The following TAFA1 variants were observed in gnomAD, a reference collection of about 807,000 sequenced individuals.
TAFA1 encodes TAFA chemokine like family member 1.
TAFA1 carries 4 observed loss-of-function variants against 18.5 expected under a neutral mutation model. That is an observed-to-expected ratio of 0.22 (90% CI 0.11 to 0.49). TAFA1 has a LOEUF of 0.49. TAFA1 is among the 20% of genes least tolerant of loss of function. The pLI, the probability that TAFA1 is intolerant of heterozygous loss-of-function variation, is 0.98. For synonymous variants in TAFA1, 56 were observed against 55.2 expected (o/e 1.01, Z -0.06); for missense variants, 147 against 169.0 (o/e 0.87, Z 0.72).
chr3:68,036,436 CA>C (rs10566431), intron 2 of TAFA1, among the ~76,000 whole-genome samples: 5,289 of 98,532 alleles, frequency 0.054, 86 homozygotes, highest in African/African-American at 0.083. Context: ...GAGACTCTGT[CA>C]AAAAAAAAAA....
chr3:68,150,909 A>G (rs1286709006), intron 2 of TAFA1, among the ~76,000 whole-genome samples: 1 of 152,158 alleles, frequency 6.6e-6, no homozygotes, highest in Non-Finnish European at 1.5e-5. Context: ...CTTTATTAAG[A>G]GTGTTGCACA....
chr3:68,407,672 T>C (rs776596923), intron 2 of TAFA1, among the ~76,000 whole-genome samples: 21 of 152,124 alleles, frequency 1.4e-4, no homozygotes, highest in Non-Finnish European at 2.9e-4. Context: ...TCTTGAAATA[T>C]AGAATGGAAA....
chr3:68,510,622 T>C (rs535568840), intron 3 of TAFA1, among the ~76,000 whole-genome samples: 1 of 152,108 alleles, frequency 6.6e-6, no homozygotes, highest in Non-Finnish European at 1.5e-5. Context: ...ATAGGTTATA[T>C]TGCATCTAAA....
intron 2 of TAFA1, among the ~76,000 whole-genome samples, chr3:68,016,788 C>T (rs1559703221): frequency 6.6e-6 from 1 of 152,156 alleles, no homozygotes; most frequent in Non-Finnish European, 1.5e-5. Context: ...CTGCAAACCT[C>T]TGCAACATAT....
At chr3:68,101,222 C>A (rs751367228) in intron 2 of TAFA1, among the ~76,000 whole-genome samples, 6 of 151,938 alleles carry the variant, frequency 3.9e-5, no homozygotes, top group Non-Finnish European at 7.4e-5. Flanking sequence ...AGGTCAGGCC[C>A]TCAAGGTAGG....
chr3:68,330,336 G>T (rs2068845536), intron 2 of TAFA1, among the ~76,000 whole-genome samples: 1 of 152,234 alleles, frequency 6.6e-6, no homozygotes, highest in Admixed American at 6.5e-5. Context: ...TGATCCAGGT[G>T]CTTATTACTG....
intron 2 of TAFA1, among the ~76,000 whole-genome samples, chr3:68,237,653 C>T (rs1318406038): frequency 2.6e-5 from 4 of 152,104 alleles, no homozygotes; most frequent in Non-Finnish European, 5.9e-5. Flanking sequence ...AATTTTTTTA[C>T]CTATACACTT....
chr3:68,322,537 A>G (rs2068711580), intron 2 of TAFA1, among the ~76,000 whole-genome samples: 1 of 152,176 alleles, frequency 6.6e-6, no homozygotes, highest in Non-Finnish European at 1.5e-5. Flanking sequence ...ACGTGTTAAA[A>G]GTCTTTCTCT....
At position 68,161,715 on chromosome 3, in the gene TAFA1, C is replaced by A. The variant is rs78594258; in HGVS notation, c.118+154971C>A. Among the ~76,000 whole-genome samples, 212 of 152,294 alleles carry A rather than the reference C, an allele frequency of 1.4e-3. 1 individual carries two copies. The highest frequency in any genetic ancestry group is 3.4e-3 in the Middle Eastern group (1 of 294). On this transcript the variant is annotated intron_variant, in intron 2 of 4. Coordinates refer to ENST00000478136, the MANE Select transcript of TAFA1 (RefSeq NM_213609.4). ...GATAGCAAAGCTAAGATTTCAGACT[C>A]AAACCCCATTTTGTTATTATTTTGA...
At chr3:68,191,082 A>G (rs1046004156) in intron 2 of TAFA1, among the ~76,000 whole-genome samples, 1 of 151,846 alleles carries the variant, frequency 6.6e-6, no homozygotes, top group South Asian at 2.1e-4. Flanking sequence ...TAAACCCTAC[A>G]TGAAATCCCC....
At chr3:68,064,520 A>T (rs768476544) in intron 2 of TAFA1, among the ~76,000 whole-genome samples, 22 of 152,194 alleles carry the variant, frequency 1.4e-4, no homozygotes, top group South Asian at 2.1e-4. Context: ...ACTGCTGCTA[A>T]ATGAGACGCG....
At chr3:68,014,198 C>T (rs1319607654) in intron 2 of TAFA1, among the ~76,000 whole-genome samples, 1 of 152,128 alleles carries the variant, frequency 6.6e-6, no homozygotes, top group Non-Finnish European at 1.5e-5. Flanking sequence ...ATGTCAGCTC[C>T]TAGATTTAGA....
rs1175242706 is a variant in TAFA1, at chr3:68,431,442, T to A, written c.259+14022T>A. 3.9e-5 allele frequency among the ~76,000 whole-genome samples: 6 copies of A among 152,020 alleles called. No homozygotes were observed. The East Asian group carries it at 1.2e-3, about 29-fold the overall frequency. ...CCTACTGAAAATGTTACCAACATTA[T>A]GATACCTAATCTTCATAACAATGCA... On this transcript the variant is annotated intron_variant, in intron 3 of 4. Coordinates refer to ENST00000478136, the MANE Select transcript of TAFA1 (RefSeq NM_213609.4).
intron 2 of TAFA1, among the ~76,000 whole-genome samples, chr3:68,025,572 C>T (rs950154672): frequency 2.6e-5 from 4 of 152,166 alleles, no homozygotes; most frequent in African/African-American, 7.2e-5. Flanking sequence ...ATGCCCTCAA[C>T]TTTTACCCCC....
intron 2 of TAFA1, among the ~76,000 whole-genome samples, chr3:68,379,351 T>C (rs2069882344): frequency 6.6e-6 from 1 of 152,180 alleles, no homozygotes. Flanking sequence ...ATTGTTTTAT[T>C]CTTGTAAATT....
At chr3:68,133,448 T>TACTTTGGGCAGTATGGCCATTTTC (rs1559532735) in intron 2 of TAFA1, among the ~76,000 whole-genome samples, 1 of 152,204 alleles carries the variant, frequency 6.6e-6, no homozygotes, top group Non-Finnish European at 1.5e-5. Context: ...ATCTGTACAT[T>TACTTTGGGCAGTATGGCCATTTTC]ACTTTGGGCA....
At chr3:68,371,429 A>G (rs1026855317) in intron 2 of TAFA1, among the ~76,000 whole-genome samples, 2 of 151,638 alleles carry the variant, frequency 1.3e-5, no homozygotes, top group Non-Finnish European at 2.9e-5. Flanking sequence ...CCCTGTGTCC[A>G]TGTGTTCTTA....
intron 2 of TAFA1, among the ~76,000 whole-genome samples, chr3:68,372,227 A>G (rs1252313848): frequency 1.3e-5 from 2 of 152,202 alleles, no homozygotes; most frequent in African/African-American, 4.8e-5. Flanking sequence ...GAAATACAAT[A>G]AGGACAGTGA....
intron 2 of TAFA1, among the ~76,000 whole-genome samples, chr3:68,394,586 G>GTAC (rs2070336068): frequency 6.6e-6 from 1 of 152,104 alleles, no homozygotes. Context: ...AAACAGCATG[G>GTAC]TACTGGTACC....
Sources: allele counts gnomAD v4.1 joint callset (sites outside exome capture counted in the v4.1 genomes callset), GRCh38; gene constraint gnomAD v4.1.1; transcripts MANE v1.5; gene names NCBI Gene and HGNC (gene_info 2026-07-23, HGNC 2026-07-21).